BRINP2: variants seen among roughly 807,000 people sequenced by gnomAD.
BRINP2 encodes the protein BMP/retinoic acid-inducible neural-specific protein 2.
Under a neutral mutation model 69.2 loss-of-function variants are expected in BRINP2, and 21 were observed. That is an observed-to-expected ratio of 0.30 (90% CI 0.22 to 0.44). The LOEUF (loss-of-function observed/expected upper bound fraction) is 0.44. BRINP2 is among the 20% of genes least tolerant of loss of function. The pLI is 1.00. For synonymous variants in BRINP2, 380 were observed against 394.1 expected (o/e 0.96, Z 0.42); for missense variants, 877 against 986.0 (o/e 0.89, Z 1.48).
chr1:177,183,750 C>T (rs1275048757), intron 1 of BRINP2, among the ~76,000 whole-genome samples: 1 of 152,170 alleles, frequency 6.6e-6, no homozygotes, highest in Non-Finnish European at 1.5e-5. Context: ...TCATATTAAA[C>T]TTACCCTGGT....
At chr1:177,248,583 G>C (rs980213837) in intron 2 of BRINP2, among the ~76,000 whole-genome samples, 9 of 151,828 alleles carry the variant, frequency 5.9e-5, no homozygotes, top group African/African-American at 9.7e-5. Context: ...TCTTCACAGG[G>C]GCCAGGTCAA....
At chr1:177,226,682 C>T (rs1649702793) in intron 1 of BRINP2, among the ~76,000 whole-genome samples, 1 of 152,176 alleles carries the variant, frequency 6.6e-6, no homozygotes, top group Non-Finnish European at 1.5e-5. Flanking sequence ...AGACTGAAAT[C>T]CAGGTGCTAG....
In BRINP2 at chr1:177,206,635, A is replaced by G. The variant is rs554710316; in HGVS notation, c.-76-23166A>G. ...CACTACTCTTGCCCCACTCACACAC[A>G]TGCCTGAAGAACTGTGTGGAGACAG... is the stretch of plus-strand genomic sequence containing the variant. On this transcript the variant is annotated intron_variant, in intron 1 of 7. Transcript: ENST00000361539. Among the ~76,000 whole-genome samples the G allele has an allele frequency of 2.6e-5, 4 of 152,306 alleles. No homozygotes were observed. The South Asian group carries it at 8.3e-4, about 32-fold the overall frequency.
chr1:177,258,895 C>T (rs1409657227), intron 4 of BRINP2, among the ~76,000 whole-genome samples: 1 of 152,126 alleles, frequency 6.6e-6, no homozygotes. Context: ...TCTCAGGCCT[C>T]CCTATTCCCT....
At chr1:177,266,594 C>G (rs968958055) in intron 4 of BRINP2, among the ~76,000 whole-genome samples, 12 of 151,290 alleles carry the variant, frequency 7.9e-5, no homozygotes, top group African/African-American at 2.9e-4. Flanking sequence ...CCGGTCTCTA[C>G]TAAAAATACC....
intron 1 of BRINP2, among the ~76,000 whole-genome samples, chr1:177,203,927 C>A (rs1229136048): frequency 6.6e-6 from 1 of 152,112 alleles, no homozygotes; most frequent in East Asian, 1.9e-4. Flanking sequence ...TCAAGGAAGG[C>A]GTCCTTAAAG....
Position 177,281,632 on chromosome 1 carries a change from G to T in BRINP2, c.*104G>T. 7.0e-7 allele frequency: 1 copy of T among 1,428,172 alleles called. No homozygotes were observed. Among genetic ancestry groups the T allele is most frequent in the Non-Finnish European group, 9.4e-7 (1 of 1,069,480 alleles). 88.5% of individuals were successfully genotyped at this position (1,428,172 alleles called of 1,614,324 possible). A position where few individuals can be genotyped will look rare whatever the true frequency, so the allele number is the denominator to read the frequency against. On this transcript the variant is annotated 3_prime_UTR_variant, in exon 8 of 8. Transcript: ENST00000361539. The stretch of plus-strand genomic sequence containing the variant: ...GTGCCAACAGGGTGTGCTCCCACGA[G>T]ACTTTCAGCATCCAGTAGATGGGAC...
intron 4 of BRINP2, among the ~76,000 whole-genome samples, chr1:177,261,915 C>A (rs1000006275): frequency 1.3e-5 from 2 of 152,146 alleles, no homozygotes. Flanking sequence ...AAAGAAGTAA[C>A]TGGCAACTGT....
chr1:177,197,191 A>T (rs1456147798), intron 1 of BRINP2, among the ~76,000 whole-genome samples: 1 of 152,208 alleles, frequency 6.6e-6, no homozygotes, highest in Non-Finnish European at 1.5e-5. Context: ...GGGAGGCCTT[A>T]GGAAGCTTCC....
chr1:177,229,803 C>G lies in BRINP2; in HGVS notation c.-74C>G. 6.6e-7 allele frequency: 1 copy of G among 1,504,774 alleles called. No individual in the cohort carries two copies. Among genetic ancestry groups the G allele is most frequent in the Non-Finnish European group, 8.9e-7 (1 of 1,124,422 alleles). The allele number at this position is 1,504,774 out of a possible 1,614,324, so 93.2% of individuals were successfully genotyped here. A position where few individuals can be genotyped will look rare whatever the true frequency, so the allele number is the denominator to read the frequency against. ...CAATGCCTTTTGTACTTTTCCAGCT[C>G]CGAGCCCTGGAGGAGCAGCACGGAG... On this transcript the variant is annotated splice_region_variant and 5_prime_UTR_variant, in exon 2 of 8. Coordinates refer to ENST00000361539, the MANE Select transcript of BRINP2 (RefSeq NM_021165.4).
At chr1:177,239,189 G>A (rs1650121227) in intron 2 of BRINP2, among the ~76,000 whole-genome samples, 1 of 152,188 alleles carries the variant, frequency 6.6e-6, no homozygotes, top group Non-Finnish European at 1.5e-5. Context: ...CAGAAGGCTG[G>A]AGGCTGACCC....
At chr1:177,200,320 A>AAAAAAAAAAAAAAC in intron 1 of BRINP2, among the ~76,000 whole-genome samples, 1 of 146,528 alleles carries the variant, frequency 6.8e-6, no homozygotes, top group Non-Finnish European at 1.5e-5. Flanking sequence ...AAAAAAAAAA[A>AAAAAAAAAAAAAAC]AAGAATGCAT....
At chr1:177,235,084 A>T (rs1457646133) in intron 2 of BRINP2, among the ~76,000 whole-genome samples, 2 of 152,230 alleles carry the variant, frequency 1.3e-5, no homozygotes, top group African/African-American at 4.8e-5. Flanking sequence ...GACCAACCTC[A>T]CAGCATGCTC....
intron 1 of BRINP2, among the ~76,000 whole-genome samples, chr1:177,201,632 G>A (rs988328993): frequency 5.3e-5 from 8 of 152,186 alleles, no homozygotes; most frequent in African/African-American, 1.4e-4. Context: ...AGCTCCCTGT[G>A]GTTGAATCTG....
intron 4 of BRINP2, among the ~76,000 whole-genome samples, chr1:177,272,796 T>C (rs1480643372): frequency 6.6e-6 from 1 of 152,272 alleles, no homozygotes; most frequent in African/African-American, 2.4e-5. Context: ...ATAATTATTT[T>C]AGTGCATTTA....
At chr1:177,193,949 A>C (rs2102298582) in intron 1 of BRINP2, among the ~76,000 whole-genome samples, 1 of 152,328 alleles carries the variant, frequency 6.6e-6, no homozygotes, top group South Asian at 2.1e-4. Context: ...AAGGTCACTG[A>C]AATAGTTATC....
chr1:177,201,593 G>T (rs1297722933), intron 1 of BRINP2, among the ~76,000 whole-genome samples: 2 of 152,190 alleles, frequency 1.3e-5, no homozygotes, highest in South Asian at 2.1e-4. Flanking sequence ...GCTGAAGTTT[G>T]CCTGTCTCAA....
In BRINP2 at chr1:177,226,462, A is replaced by G. The variant is rs373559470; in HGVS notation, c.-76-3339A>G. 1.0e-3 allele frequency among the ~76,000 whole-genome samples: 157 copies of G among 152,350 alleles called. 3 individuals are homozygous for G. The South Asian group carries it at 0.013, about 12-fold the overall frequency. The stretch of plus-strand genomic sequence containing the variant: ...ATGCAGACAATAACAGCTGGTCTTC[A>G]GGGAGCATGAAGAACCCCAACTAGG... On this transcript the variant is annotated intron_variant, in intron 1 of 7. Transcript: ENST00000361539.
chr1:177,223,274 T>A (rs574026552), intron 1 of BRINP2, among the ~76,000 whole-genome samples: 1 of 152,076 alleles, frequency 6.6e-6, no homozygotes, highest in African/African-American at 2.4e-5. Context: ...ACCTATAAAT[T>A]TGGGGCCTCA....
Sources: gnomAD v4.1 joint callset for allele counts (sites outside exome capture counted in the v4.1 genomes callset) on GRCh38, gnomAD v4.1.1 for gene constraint, MANE v1.5 for transcripts, NCBI Gene and HGNC (gene_info 2026-07-23, HGNC 2026-07-21) for gene names.